The following OTOGL variants were observed in gnomAD, a reference collection of about 807,000 sequenced individuals.
The protein encoded by OTOGL is otogelin-like protein.
In OTOGL, 285 loss-of-function variants were observed where a neutral mutation model predicts 318.5. That is an observed-to-expected ratio of 0.89 (90% CI 0.81 to 0.99). The LOEUF (loss-of-function observed/expected upper bound fraction) is 0.99, where lower values mean the gene tolerates loss of function less well. Among genes scored for constraint, OTOGL ranks in the 50% least tolerant of loss-of-function variants. The probability of loss-of-function intolerance (pLI) is 0.00; values close to 1 mark genes in which losing one functional copy is unlikely to be tolerated. For synonymous variants in OTOGL, 987 were observed against 936.5 expected, an observed-to-expected ratio of 1.05 and a Z score of -0.99; for missense variants, 2,899 against 2,845.6, an observed-to-expected ratio of 1.02 and a Z score of -0.43.
intron 11 of OTOGL, among the ~76,000 whole-genome samples, chr12:80,239,817 A>G (rs1202692490): frequency 6.6e-6 from 1 of 151,998 alleles, no homozygotes; most frequent in Non-Finnish European, 1.5e-5. Context: ...TTTCTATCCA[A>G]CACCAGGTCT....
Position 80,318,527 on chromosome 12 carries a change from A to C in OTOGL, c.3635-19A>C, listed in dbSNP as rs7963215. ...AAAATCTATGCCAATTTATAATTCT[A>C]ATATTTATATTTAACTAGGACTTGG... On this transcript the variant is annotated intron_variant, in intron 32 of 58. Coordinates refer to ENST00000547103, the MANE Select transcript of OTOGL (RefSeq NM_001378609.3). 1,194,788 of 1,226,288 alleles carry C rather than the reference A, an allele frequency of 0.97. 582,378 individuals are homozygous for C. Among genetic ancestry groups the C allele is most frequent in the Middle Eastern group, 0.98 (4,677 of 4,762 alleles). The allele number at this position is 1,226,288 out of a possible 1,614,324, so 76.0% of individuals were successfully genotyped here.
intron 11 of OTOGL, among the ~76,000 whole-genome samples, chr12:80,250,009 C>G (rs889093552): frequency 2.0e-5 from 3 of 152,062 alleles, no homozygotes; most frequent in African/African-American, 7.3e-5. Flanking sequence ...GGCAATGCCT[C>G]GCCCTGCTTC....
intron 26 of OTOGL, among the ~76,000 whole-genome samples, 179 bp from the exon 27 acceptor site, chr12:80,296,645 CCTA>C (rs1885417408): frequency 6.6e-6 from 1 of 151,954 alleles, no homozygotes; most frequent in Non-Finnish European, 1.5e-5. Context: ...ATTGAGCTAT[CCTA>C]CTATATTTCT....
chr12:80,371,915 G>C, intron 56 of OTOGL, 104 bp from the exon 57 acceptor site: 1 of 591,078 alleles, frequency 1.7e-6, no homozygotes. Context: ...AAGGCTTTGT[G>C]GTATTTGATA....
intron 23 of OTOGL, 121 bp from the exon 24 acceptor site, chr12:80,271,527 C>A (rs1355554171): frequency 3.4e-6 from 3 of 891,346 alleles, no homozygotes; most frequent in East Asian, 2.8e-5. Context: ...TTATGGAAGG[C>A]AGCTAACATT....
chr12:80,162,509 T>C (rs1485118689), intron 1 of OTOGL, among the ~76,000 whole-genome samples: 1 of 152,066 alleles, frequency 6.6e-6, no homozygotes, highest in Non-Finnish European at 1.5e-5. Context: ...ATTTATTGTC[T>C]GGGTTTTGGA....
intron 11 of OTOGL, among the ~76,000 whole-genome samples, chr12:80,244,081 C>T (rs546507908): frequency 1.3e-5 from 2 of 151,354 alleles, no homozygotes; most frequent in East Asian, 3.9e-4. Flanking sequence ...GAATTCATTC[C>T]TGTGCAGTTT....
chr12:80,249,322 G>C (rs1881240785), intron 11 of OTOGL, among the ~76,000 whole-genome samples: 2 of 151,358 alleles, frequency 1.3e-5, no homozygotes, highest in Admixed American at 6.5e-5. Flanking sequence ...TTTGATGATG[G>C]TGATATACAG....
At chr12:80,258,918 A>G (rs2137533492) in intron 18 of OTOGL, among the ~76,000 whole-genome samples, 1 of 152,184 alleles carries the variant, frequency 6.6e-6, no homozygotes, top group Non-Finnish European at 1.5e-5. Context: ...TATAATGACT[A>G]TAATTAATGT....
Position 80,252,094 on chromosome 12 carries a change from G to A in OTOGL, c.1178G>A (p.Ser393Asn), listed in dbSNP as rs1378469575. The A allele has an allele frequency of 2.6e-5, 41 of 1,549,744 alleles. No homozygotes were observed. The highest frequency in any genetic ancestry group is 3.4e-5 in the Non-Finnish European group (39 of 1,145,420). Reference sequence around the variant, plus strand: ...GTTTTAGCTGATAAATGTGATGATAGCTTTGTCCATCGGGACTGTATCAGT... The same window carrying A: ...GTTTTAGCTGATAAATGTGATGATAACTTTGTCCATCGGGACTGTATCAGT... ...FPACTDKCDD[S>N]FVHRDCISCC... is the part of the protein sequence containing the mutation. Residue 393 changes from serine to asparagine, a missense_variant, in exon 13 of 59, where the codon AGC becomes AAC. By Grantham distance (46) the Ser-to-Asn change is conservative. Coordinates refer to ENST00000547103, the MANE Select transcript of OTOGL (RefSeq NM_001378609.3).
intron 26 of OTOGL, among the ~76,000 whole-genome samples, chr12:80,285,307 A>T (rs1390402487): frequency 2.6e-5 from 4 of 152,176 alleles, no homozygotes; most frequent in African/African-American, 9.6e-5. Context: ...GCAGTCAGGT[A>T]GCATGATGTC....
At chr12:80,337,068 T>G (rs999795775) in intron 42 of OTOGL, 64 bp downstream of exon 42, 1 of 1,236,968 alleles carries the variant, frequency 8.1e-7, no homozygotes, top group African/African-American at 1.5e-5. Flanking sequence ...AAACAGTTAT[T>G]TCCAATAAGA....
intron 33 of OTOGL, among the ~76,000 whole-genome samples, chr12:80,319,385 T>C: frequency 6.6e-6 from 1 of 152,182 alleles, no homozygotes; most frequent in East Asian, 1.9e-4. Flanking sequence ...CTTAGGAATT[T>C]ATTTGTTGGA....
intron 29 of OTOGL, among the ~76,000 whole-genome samples, chr12:80,308,722 T>C (rs531400731): frequency 3.3e-5 from 5 of 152,134 alleles, no homozygotes; most frequent in African/African-American, 1.2e-4. Flanking sequence ...CCCGGCACCT[T>C]GGGAGGCCGA....
intron 1 of OTOGL, among the ~76,000 whole-genome samples, chr12:80,141,663 C>T (rs942212736): frequency 2.0e-5 from 3 of 152,146 alleles, no homozygotes; most frequent in African/African-American, 7.2e-5. Context: ...TGCTTTCCTT[C>T]CCAGTCTTGT....
intron 43 of OTOGL, among the ~76,000 whole-genome samples, chr12:80,341,138 G>A (rs1001725681): frequency 6.6e-6 from 1 of 151,962 alleles, no homozygotes; most frequent in Non-Finnish European, 1.5e-5. Flanking sequence ...GTGGGATTTG[G>A]GTAAGGTATG....
chr12:80,126,425 T>A (rs964424695), intron 1 of OTOGL, among the ~76,000 whole-genome samples: 4 of 152,226 alleles, frequency 2.6e-5, no homozygotes, highest in African/African-American at 9.6e-5. Flanking sequence ...TAATCTCTCT[T>A]CTTTTACATT....
intron 2 of OTOGL, among the ~76,000 whole-genome samples, chr12:80,209,748 G>A (rs1192940139): frequency 1.3e-5 from 2 of 151,932 alleles, no homozygotes; most frequent in Non-Finnish European, 2.9e-5. Flanking sequence ...ATTATGATAT[G>A]CAATTGTACT....
At position 80,377,154 on chromosome 12, in the gene OTOGL, G is replaced by A; in HGVS notation, c.6813G>A (p.Val2271=). The A allele has an allele frequency of 6.2e-7, 1 of 1,609,906 alleles. No homozygotes were observed. Among genetic ancestry groups the A allele is most frequent in the Non-Finnish European group, 8.5e-7 (1 of 1,177,582 alleles). ...CKREERICQK[V]IIKSVIRKQD... The stretch of plus-strand genomic sequence containing the variant: ...GAGAAGAAAGAATATGCCAGAAAGT[G>A]ATCATTAAATCGGTCATAAGGAAAC... Residue 2271 remains valine, a synonymous_variant, in exon 58 of 59, where the codon GTG becomes GTA. Coordinates refer to ENST00000547103, the MANE Select transcript of OTOGL (RefSeq NM_001378609.3).
Sources: allele counts gnomAD v4.1 joint callset (sites outside exome capture counted in the v4.1 genomes callset), GRCh38; gene constraint gnomAD v4.1.1; transcripts MANE v1.5; gene names NCBI Gene and HGNC (gene_info 2026-07-23, HGNC 2026-07-21).